Variants in ANKRD36 observed in about 807,000 individuals in gnomAD.
ANKRD36 encodes ankyrin repeat domain 36, also known as ankyrin repeat domain-containing protein 36A.
ANKRD36 carries 179 observed loss-of-function variants against 278.1 expected under a neutral mutation model. The ratio of observed to expected loss-of-function variants is 0.64; its 90% confidence interval spans 0.57 to 0.73. ANKRD36 has a LOEUF of 0.73. Ranked by LOEUF, ANKRD36 falls within the 30% of genes least tolerant of loss-of-function variation. ANKRD36 has a pLI of 0.00. For synonymous variants in ANKRD36, 320 were observed against 641.1 expected (o/e 0.50, Z 7.57); for missense variants, 1,159 against 1,956.7 (o/e 0.59, Z 7.69).
At chr2:97,216,002 A>G (rs1375111188) in intron 62 of ANKRD36, among the ~76,000 whole-genome samples, 3 of 152,026 alleles carry the variant, frequency 2.0e-5, no homozygotes, top group Non-Finnish European at 2.9e-5. Flanking sequence ...TATTTATGTA[A>G]TTTTGGGGTT....
chr2:97,181,508 A>G, intron 24 of ANKRD36, 90 bp from the exon 25 acceptor site: 3 of 1,560,532 alleles, frequency 1.9e-6, no homozygotes, highest in Non-Finnish European at 2.6e-6. Context: ...ACAGGCAGGA[A>G]GATACAGCTT....
chr2:97,208,815 A>G (rs1421325632), intron 54 of ANKRD36, among the ~76,000 whole-genome samples: 4 of 146,726 alleles, frequency 2.7e-5, no homozygotes, highest in Non-Finnish European at 4.5e-5. Context: ...GAATAACACG[A>G]TACTCCCAAC....
intron 38 of ANKRD36, among the ~76,000 whole-genome samples, chr2:97,193,897 T>G (rs1182510282): frequency 6.6e-6 from 1 of 151,720 alleles, no homozygotes; most frequent in Non-Finnish European, 1.5e-5. Flanking sequence ...ACAAGAATGA[T>G]GTTGAATTCC....
chr2:97,193,971 T>A (rs1434668507), intron 38 of ANKRD36, among the ~76,000 whole-genome samples: 1 of 151,666 alleles, frequency 6.6e-6, no homozygotes, highest in Non-Finnish European at 1.5e-5. Context: ...AAAAACTGAG[T>A]AATATCTAAT....
Position 97,213,369 on chromosome 2 carries a change from A to G in ANKRD36, c.3470-50A>G, listed in dbSNP as rs1433185781. The G allele has an allele frequency of 1.1e-5, 5 of 454,928 alleles. No homozygotes were observed. In the Admixed American group the frequency reaches 2.3e-4, roughly 21 times the overall value. The allele number at this position is 454,928 out of a possible 1,614,324, so 28.2% of individuals were successfully genotyped here. On this transcript the variant is annotated intron_variant, in intron 58 of 75. Transcript: ENST00000420699. ...CCAACAGTGCAGGAATGTATGGATAACTTTATCATATTTACATATGAGTGA... is the reference window on the plus strand; with the variant it reads ...CCAACAGTGCAGGAATGTATGGATAGCTTTATCATATTTACATATGAGTGA...
At chr2:97,183,164 T>G (rs1215014121) in intron 26 of ANKRD36, among the ~76,000 whole-genome samples, 2 of 151,852 alleles carry the variant, frequency 1.3e-5, no homozygotes, top group Non-Finnish European at 2.9e-5. Flanking sequence ...TAGATCACAT[T>G]TCTTTTCATC....
intron 66 of ANKRD36, among the ~76,000 whole-genome samples, chr2:97,224,455 T>G (rs1460279570): frequency 6.6e-6 from 1 of 151,328 alleles, no homozygotes; most frequent in Non-Finnish European, 1.5e-5. Context: ...TTTTTTTGTT[T>G]TTTTTTTTTT....
chr2:97,208,933 A>T (rs1268769193), intron 54 of ANKRD36, among the ~76,000 whole-genome samples: 2 of 146,744 alleles, frequency 1.4e-5, no homozygotes, highest in East Asian at 3.9e-4. Context: ...ATTAATATCT[A>T]ATGCTTGTAG....
rs766100274 is a variant in ANKRD36 at position 97,118,371 on chromosome 2, G to T, written c.340G>T (p.Ala114Ser). The T allele has an allele frequency of 6.2e-7, 1 of 1,609,704 alleles. No individual in the cohort carries two copies. The highest frequency in any genetic ancestry group is 8.5e-7 in the Non-Finnish European group (1 of 1,178,284). ...TGTACAACTGAGGCAGGAGGCTTGT[G>T]CAACTCTTCTGCTGCAAAATGGCGC... The part of the protein sequence containing the change: ...KAVQLRQEAC[A>S]TLLLQNGANP... The change falls in exon 3 of 76, where the codon GCA becomes TCA. Residue 114 changes from alanine to serine, a missense_variant. Transcript: ENST00000420699.
chr2:97,229,998 G>A lies in ANKRD36; in HGVS notation c.3952-3732G>A, dbSNP rs577355426. On this transcript the variant is annotated intron_variant, in intron 67 of 75. Transcript: ENST00000420699. ...TCTTCCGGCTTGTAGAGTTTCTGCC[G>A]AGAGATCCACTGTTAGTCTGATGGG... Among the ~76,000 whole-genome samples the A allele has an allele frequency of 5.3e-5, 8 of 152,198 alleles. No individual in the cohort carries two copies. The South Asian group carries it at 6.3e-4, about 12-fold the overall frequency.
At chr2:97,139,417 GT>G (rs1196662092) in intron 6 of ANKRD36, among the ~76,000 whole-genome samples, 2 of 151,958 alleles carry the variant, frequency 1.3e-5, no homozygotes, top group African/African-American at 4.8e-5. Context: ...TTGTAGAAAA[GT>G]TCAGACAGTG....
At chr2:97,151,547 A>T (rs1052217560) in intron 12 of ANKRD36, among the ~76,000 whole-genome samples, 1 of 152,306 alleles carries the variant, frequency 6.6e-6, no homozygotes, top group African/African-American at 2.4e-5. Flanking sequence ...TTTTATTATT[A>T]GTTTTATTCA....
At chr2:97,211,428 G>T (rs1351320546) in intron 56 of ANKRD36, 118 bp from the exon 57 acceptor site, 7 of 1,467,178 alleles carry the variant, frequency 4.8e-6, no homozygotes, top group Non-Finnish European at 5.6e-6. Flanking sequence ...AGTAGAAGCC[G>T]TCAAGGCCTA....
At chr2:97,132,484 TC>T (rs1488590798) in intron 6 of ANKRD36, among the ~76,000 whole-genome samples, 1 of 150,118 alleles carries the variant, frequency 6.7e-6, no homozygotes, top group East Asian at 1.9e-4. Flanking sequence ...TTATTTCTAT[TC>T]CTTTATGGAT....
At chr2:97,153,371 A>G (rs2046595659) in intron 14 of ANKRD36, among the ~76,000 whole-genome samples, 1 of 152,244 alleles carries the variant, frequency 6.6e-6, no homozygotes, top group South Asian at 2.1e-4. Flanking sequence ...ATCTTCTATT[A>G]TAGTTTTCAT....
At chr2:97,230,979 T>C (rs1446205115) in intron 67 of ANKRD36, among the ~76,000 whole-genome samples, 2 of 152,102 alleles carry the variant, frequency 1.3e-5, no homozygotes, top group African/African-American at 4.8e-5. Flanking sequence ...CGAATGCTGC[T>C]GTGTGATCGT....
intron 15 of ANKRD36, among the ~76,000 whole-genome samples, chr2:97,156,270 G>A (rs1298912955): frequency 6.9e-6 from 1 of 144,500 alleles, no homozygotes; most frequent in Admixed American, 6.8e-5. Flanking sequence ...TGCACATTGT[G>A]CAGGTTAGTT....
At chr2:97,194,988 T>TG (rs1230937806) in intron 40 of ANKRD36, 71 bp downstream of exon 40, 48 of 1,520,726 alleles carry the variant, frequency 3.2e-5, no homozygotes, top group Non-Finnish European at 4.0e-5. Context: ...AATAAATCAG[T>TG]GGGGGGCTGG....
intron 36 of ANKRD36, 150 bp downstream of exon 36, chr2:97,191,331 T>C: frequency 9.9e-7 from 1 of 1,012,666 alleles, no homozygotes. Context: ...TCTTGGGTGA[T>C]GGTGATGCTG....
Sources: allele counts gnomAD v4.1 joint callset (sites outside exome capture counted in the v4.1 genomes callset), GRCh38; gene constraint gnomAD v4.1.1; transcripts MANE v1.5; gene names NCBI Gene and HGNC (gene_info 2026-07-23, HGNC 2026-07-21).